The following CABIN1 variants were observed in gnomAD, a reference collection of about 807,000 sequenced individuals.
CABIN1 encodes the protein calcineurin-binding protein cabin-1.
CABIN1 carries 133 observed loss-of-function variants against 227.7 expected under a neutral mutation model. The ratio of observed to expected loss-of-function variants is 0.58; its 90% CI spans 0.51 to 0.67. The LOEUF (loss-of-function observed/expected upper bound fraction) is 0.67. Ranked by LOEUF, CABIN1 falls within the 30% of genes least tolerant of loss-of-function variation. CABIN1 has a pLI of 0.00. For missense variants in CABIN1, 2,408 were observed against 2,852.5 expected, an observed-to-expected ratio of 0.84 and a Z score of 3.55; for synonymous variants, 1,086 against 1,155.1, an observed-to-expected ratio of 0.94 and a Z score of 1.21.
At chr22:24,044,879 C>T (rs913966367) in intron 6 of CABIN1, among the ~76,000 whole-genome samples, 4 of 151,670 alleles carry the variant, frequency 2.6e-5, no homozygotes, top group African/African-American at 4.8e-5. Flanking sequence ...AGATGGAAGC[C>T]GTCTCTGTAC....
chr22:24,113,791 C>G, intron 27 of CABIN1, 43 bp downstream of exon 27: 2 of 1,604,778 alleles, frequency 1.2e-6, no homozygotes, highest in East Asian at 4.5e-5. Flanking sequence ...CTTTGATGTC[C>G]TGTGGCAATC....
intron 15 of CABIN1, among the ~76,000 whole-genome samples, chr22:24,064,512 G>GTTTTTTTT (rs782268156): frequency 6.8e-4 from 73 of 106,860 alleles, no homozygotes; most frequent in African/African-American, 9.5e-4. Flanking sequence ...CAGCTGAAAG[G>GTTTTTTTT]TTTTTTTTTT....
rs1246150578 is a variant in CABIN1, at chr22:24,056,334, G to A, written c.1236G>A (p.Glu412=). Reference sequence around the variant, plus strand: ...AAGAAGAGAAAGTAGACTTCCAGGAGCTTCTGATGAAGTTCTTGCCGTCCA... The same window carrying A: ...AAGAAGAGAAAGTAGACTTCCAGGAACTTCTGATGAAGTTCTTGCCGTCCA... The part of the protein sequence containing the change: ...CKKEEKVDFQ[E]LLMKFLPSRL... Residue 412 remains glutamate (E), a synonymous_variant, in exon 10 of 37, where the codon GAG becomes GAA. Coordinates refer to ENST00000263119, the MANE Select transcript of CABIN1 (RefSeq NM_012295.4). 6.2e-7 allele frequency: 1 copy of A among 1,613,822 alleles called. No homozygotes were observed. Among genetic ancestry groups the A allele is most frequent in the Non-Finnish European group, 8.5e-7 (1 of 1,179,852 alleles).
rs59610235 is a variant in CABIN1, at chr22:24,110,232, A to T, written c.4118-3334A>T. Among the ~76,000 whole-genome samples the T allele has an allele frequency of 3.2e-4, 48 of 152,288 alleles. No individual in the cohort carries two copies. The East Asian group carries it at 3.7e-3, about 12-fold the overall frequency. Reference sequence around the variant, plus strand: ...TGGTTTATTATAGTATCATTTTTTTAAAAAAATGTAGTTGTTGCCTTAGGG... The same window carrying T: ...TGGTTTATTATAGTATCATTTTTTTTAAAAAATGTAGTTGTTGCCTTAGGG... On this transcript the variant is annotated intron_variant, in intron 26 of 36. Coordinates refer to ENST00000263119, the MANE Select transcript of CABIN1 (RefSeq NM_012295.4).
Position 24,050,940 on chromosome 22 carries a change from G to T in CABIN1, c.772G>T (p.Asp258Tyr). 1.2e-6 allele frequency: 2 copies of T among 1,614,208 alleles called. No individual in the cohort carries two copies. Among genetic ancestry groups the T allele is most frequent in the Non-Finnish European group, 1.7e-6 (2 of 1,180,040 alleles). The change falls in exon 8 of 37, where the codon GAC becomes TAC. Residue 258 changes from aspartate (D) to tyrosine (Y), a missense_variant. Asp to Tyr is a radical substitution (Grantham distance 160). Around this residue, in one of 3 missense-constraint regions of CABIN1, gnomAD observed 1,045 missense variants for 1,168.4 expected, o/e 0.89. Coordinates refer to ENST00000263119, the MANE Select transcript of CABIN1 (RefSeq NM_012295.4). ...GCTGATTGTGCGGGAGAAGGAGCCG[G>T]ACCTGAAACTTGTGCAGCCCATTCC... The part of the protein sequence containing the change: ...QALIVREKEP[D>Y]LKLVQPIPFF...
rs757525585 is a variant in CABIN1, at chr22:24,167,126, C to G, written c.5495C>G (p.Ala1832Gly). The change falls in exon 32 of 37, where the codon GCA (alanine) becomes GGA (glycine). Residue 1832 changes from alanine (A) to glycine (G), a missense_variant. Ala to Gly is a moderately conservative substitution (Grantham distance 60). Coordinates refer to ENST00000263119, the MANE Select transcript of CABIN1 (RefSeq NM_012295.4). ...CCCGCCACCACCACAGGGACCAGGG[C>G]AGGGGGCCACCCGGAGGAGCCGCTC... ...PAPATTTGTR[A>G]GGHPEEPLSR... The G allele has an allele frequency of 6.3e-7, 1 of 1,577,614 alleles. No individual in the cohort carries two copies. The highest frequency in any genetic ancestry group is 1.2e-5 in the South Asian group (1 of 86,254).
At chr22:24,067,852 G>A (rs2039799912) in intron 16 of CABIN1, among the ~76,000 whole-genome samples, 1 of 152,192 alleles carries the variant, frequency 6.6e-6, no homozygotes, top group African/African-American at 2.4e-5. Flanking sequence ...GGCACTAGCA[G>A]GTGCTGTGGA....
chr22:24,085,199 G>A (rs1006921454), intron 22 of CABIN1, 48 bp downstream of exon 22: 9 of 1,608,780 alleles, frequency 5.6e-6, no homozygotes, highest in Non-Finnish European at 7.7e-6. Context: ...GATGACTGGG[G>A]TGACTCCAGC....
intron 29 of CABIN1, among the ~76,000 whole-genome samples, chr22:24,137,671 A>G (rs1007187827): frequency 2.0e-5 from 3 of 152,194 alleles, no homozygotes; most frequent in African/African-American, 7.2e-5. Context: ...CTTTAGAGAT[A>G]GGTTTGGGCT....
chr22:24,169,318 C>T (rs1044047079), intron 33 of CABIN1, among the ~76,000 whole-genome samples: 1 of 152,114 alleles, frequency 6.6e-6, no homozygotes, highest in South Asian at 2.1e-4. Context: ...GTCCCGATGC[C>T]CCCGGTAGCC....
chr22:24,059,414 A>G lies in CABIN1; in HGVS notation c.1399+51A>G, dbSNP rs148391185. ...CACTTTGGGAATTCTTCTTCCCACT[A>G]TCCTATAACCTGCTTATGTTTTGTT... On this transcript the variant is annotated intron_variant, in intron 11 of 36. Coordinates refer to ENST00000263119, the MANE Select transcript of CABIN1 (RefSeq NM_012295.4). 1.3e-3 allele frequency: 2,029 copies of G among 1,601,030 alleles called. 47 individuals are homozygous for G. In the East Asian group the frequency reaches 0.04, roughly 32 times the overall value.
At chr22:24,084,547 G>C in intron 20 of CABIN1, 32 bp from the exon 21 acceptor site, 1 of 1,548,674 alleles carries the variant, frequency 6.5e-7, no homozygotes, top group African/African-American at 1.4e-5. Flanking sequence ...CCCTGAATGT[G>C]TTACTAATCT....
intron 8 of CABIN1, among the ~76,000 whole-genome samples, chr22:24,052,804 A>T (rs1331412119): frequency 6.6e-6 from 1 of 151,734 alleles, no homozygotes; most frequent in East Asian, 1.9e-4. Context: ...AAAAAAAAAA[A>T]AATTAAAAAA....
At chr22:24,060,768 C>T (rs1184545548) in intron 12 of CABIN1, among the ~76,000 whole-genome samples, 1 of 152,084 alleles carries the variant, frequency 6.6e-6, no homozygotes, top group African/African-American at 2.4e-5. Context: ...TACACCACCA[C>T]ACCCGGTTAT....
chr22:24,102,893 C>T (rs901735284), intron 26 of CABIN1: 2 of 152,466 alleles, frequency 1.3e-5, no homozygotes, highest in Non-Finnish European at 2.9e-5. Flanking sequence ...GCCAAACCCC[C>T]ATTGTGGCCA....
chr22:24,080,323 A>G (rs754740883), intron 19 of CABIN1, among the ~76,000 whole-genome samples: 27 of 151,964 alleles, frequency 1.8e-4, no homozygotes, highest in Non-Finnish European at 3.4e-4. Context: ...GGGTTAACCT[A>G]CTCACGTACC....
In CABIN1 at chr22:24,084,634, C is replaced by G. The variant is rs2147075596; in HGVS notation, c.2966C>G (p.Thr989Ser). 2 of 1,614,074 alleles carry G rather than the reference C, an allele frequency of 1.2e-6. No homozygotes were observed. Among genetic ancestry groups the G allele is most frequent in the East Asian group, 4.5e-5 (2 of 44,882 alleles). ...ATGTTTGAGTATTTTAAGCCCAAGACCCTTCCTGAATTTGACAGCTATAAG... is the reference window on the plus strand; with the variant it reads ...ATGTTTGAGTATTTTAAGCCCAAGAGCCTTCCTGAATTTGACAGCTATAAG... ...LFMFEYFKPK[T>S]LPEFDSYKTS... is the part of the protein sequence containing the mutation. Residue 989 changes from threonine (T) to serine (S), a missense_variant, in exon 21 of 37, where the codon ACC becomes AGC. This residue lies in a region of CABIN1 where 649 missense variants were observed against 910.3 expected (regional missense o/e 0.71). Transcript: ENST00000263119.
intron 29 of CABIN1, 82 bp downstream of exon 29, chr22:24,134,497 T>G: frequency 8.5e-7 from 1 of 1,183,250 alleles, no homozygotes; most frequent in Non-Finnish European, 1.2e-6. Flanking sequence ...ACCCCCTAGG[T>G]GGGTGTTCCC....
chr22:24,152,393 G>A (rs992438316), intron 29 of CABIN1, among the ~76,000 whole-genome samples: 1 of 152,224 alleles, frequency 6.6e-6, no homozygotes, highest in Non-Finnish European at 1.5e-5. Context: ...GGTCTAGGGA[G>A]GAGAAACGCA....
Sources: gnomAD v4.1 joint callset for allele counts (sites outside exome capture counted in the v4.1 genomes callset) on GRCh38, gnomAD v4.1.1 for gene constraint, gnomAD v4.1.1 regional missense constraint, MANE v1.5 for transcripts, NCBI Gene and HGNC (gene_info 2026-07-23, HGNC 2026-07-21) for gene names.